AFF2: variants seen among roughly 807,000 people sequenced by gnomAD.
The protein encoded by AFF2 is AF4/FMR2 family member 2.
A neutral mutation model predicts 76.9 loss-of-function variants in AFF2; 14 were observed. The ratio of observed to expected loss-of-function variants is 0.18; its 90% confidence interval spans 0.12 to 0.28. The LOEUF (loss-of-function observed/expected upper bound fraction) is 0.28, where lower values mean the gene tolerates loss of function less well. AFF2 is among the 10% of genes least tolerant of loss of function. AFF2 has a pLI of 1.00. For synonymous variants in AFF2, 398 were observed against 366.7 expected, an observed-to-expected ratio of 1.09 and a Z score of -0.98; for missense variants, 868 against 1,001.1, an observed-to-expected ratio of 0.87 and a Z score of 1.79.
rs1029815702 is a variant in AFF2, at chrX:148,962,816, G to A, written c.2792G>A (p.Ser931Asn). Reference protein sequence around the residue: ...PEDPPRRRNVSGNNGPFGQDK... With the variant: ...PEDPPRRRNVNGNNGPFGQDK... The stretch of plus-strand genomic sequence containing the variant: ...GACCCTCCACGCCGCAGAAATGTCA[G>A]TGGCAATAATGGTCCCTTTGGTCAA... Residue 931 changes from serine to asparagine, a missense_variant, in exon 13 of 21, where the codon AGT becomes AAT. Around this residue, in one of 6 missense-constraint regions of AFF2, gnomAD observed 532 missense variants for 564.2 expected, o/e 0.94. Coordinates refer to ENST00000370460, the MANE Select transcript of AFF2 (RefSeq NM_002025.4). 7 of 1,210,047 alleles carry A rather than the reference G, an allele frequency of 5.8e-6. No homozygotes were observed. In the Admixed American group the frequency reaches 1.5e-4, roughly 26 times the overall value.
At chrX:148,823,571 C>T (rs781801027) in intron 4 of AFF2, among the ~76,000 whole-genome samples, 6 of 111,737 alleles carry the variant, frequency 5.4e-5, no homozygotes, top group African/African-American at 2.0e-4. Context: ...CAGAACTGCC[C>T]CAGATATCTC....
At chrX:148,710,028 C>G (rs1415246534) in intron 3 of AFF2, among the ~76,000 whole-genome samples, 1 of 111,559 alleles carries the variant, frequency 9.0e-6, no homozygotes, top group African/African-American at 3.3e-5. Flanking sequence ...GATCACAGAA[C>G]CTAGAATAGT....
intron 5 of AFF2, among the ~76,000 whole-genome samples, chrX:148,839,894 G>GT (rs2070575292): frequency 1.1e-5 from 1 of 87,021 alleles, no homozygotes; most frequent in Admixed American, 1.4e-4. Context: ...GTTGGGGCAT[G>GT]GTGTGTGTGT....
At chrX:148,977,276 T>C (rs2072336812) in intron 16 of AFF2, among the ~76,000 whole-genome samples, 1 of 111,001 alleles carries the variant, frequency 9.0e-6, no homozygotes, top group Non-Finnish European at 1.9e-5. Context: ...ATCACCCCAG[T>C]GCAGAACAGT....
intron 3 of AFF2, among the ~76,000 whole-genome samples, chrX:148,783,884 A>G (rs782535045): frequency 8.9e-6 from 1 of 111,790 alleles, no homozygotes; most frequent in Non-Finnish European, 1.9e-5. Flanking sequence ...ACCAAGCATC[A>G]GATTCTACAG....
rs782244927 is a variant in AFF2 at position 148,709,224 on chromosome X, T to A, written c.1041+46456T>A. 7.2e-5 allele frequency among the ~76,000 whole-genome samples: 8 copies of A among 111,882 alleles called. No homozygotes were observed. In the South Asian group the frequency reaches 1.5e-3, roughly 21 times the overall value. On this transcript the variant is annotated intron_variant, in intron 3 of 20. Coordinates refer to ENST00000370460, the MANE Select transcript of AFF2 (RefSeq NM_002025.4). ...CTTATTCAATAAAATACTAAAAAAA[T>A]TTTTTTAGGCTAATCAAATTTTGGA...
At chrX:148,785,051 T>TC (rs1464360872) in intron 3 of AFF2, among the ~76,000 whole-genome samples, 1 of 111,044 alleles carries the variant, frequency 9.0e-6, no homozygotes, top group African/African-American at 3.3e-5. Flanking sequence ...CTTCTCTTGC[T>TC]CCCCCCCTTC....
intron 1 of AFF2, among the ~76,000 whole-genome samples, chrX:148,544,368 C>T (rs1396567725): frequency 9.0e-6 from 1 of 111,690 alleles, no homozygotes; most frequent in African/African-American, 3.3e-5. Flanking sequence ...ATTTGCTGCC[C>T]CAAGGAAACA....
At chrX:148,859,623 T>C (rs2070824474) in intron 7 of AFF2, among the ~76,000 whole-genome samples, 2 of 110,251 alleles carry the variant, frequency 1.8e-5, no homozygotes, top group Admixed American at 1.9e-4. Flanking sequence ...TGAATAAAAA[T>C]TAAGTTTTTA....
At chrX:148,682,504 G>C (rs1173551564) in intron 3 of AFF2, among the ~76,000 whole-genome samples, 1 of 111,102 alleles carries the variant, frequency 9.0e-6, no homozygotes, top group Non-Finnish European at 1.9e-5. Flanking sequence ...GCAGGAACTA[G>C]AGAACAGCGA....
intron 4 of AFF2, among the ~76,000 whole-genome samples, chrX:148,816,237 A>G (rs2070263306): frequency 9.0e-6 from 1 of 111,709 alleles, no homozygotes; most frequent in Non-Finnish European, 1.9e-5. Flanking sequence ...GTGTCTCTGC[A>G]AAACACATTG....
At chrX:148,927,380 T>G (rs1557283887) in intron 9 of AFF2, among the ~76,000 whole-genome samples, 1 of 111,428 alleles carries the variant, frequency 9.0e-6, no homozygotes, top group African/African-American at 3.3e-5. Context: ...CCCTGTTTTC[T>G]TCTTTCCCTT....
chrX:148,990,748 C>T (rs1042274066), intron 20 of AFF2, among the ~76,000 whole-genome samples: 4 of 111,985 alleles, frequency 3.6e-5, no homozygotes, highest in African/African-American at 9.7e-5. Flanking sequence ...TGGAGGCTGA[C>T]GGCTACTATT....
chrX:148,973,524 T>G lies in AFF2; in HGVS notation c.3321T>G (p.Thr1107=), dbSNP rs1569557874. ...VNYADAALSF[T]ECGNAMERDP... Reference sequence around the variant, plus strand: ...ATGCTGATGCCGCCCTCTCCTTCACTGAATGTGGCAATGCCATGGAACGCG... The same window carrying G: ...ATGCTGATGCCGCCCTCTCCTTCACGGAATGTGGCAATGCCATGGAACGCG... Residue 1107 remains threonine (T), a synonymous_variant, in exon 16 of 21, where the codon ACT becomes ACG. Transcript: ENST00000370460. 4.1e-6 allele frequency: 5 copies of G among 1,211,758 alleles called. No homozygotes were observed. Among genetic ancestry groups the G allele is most frequent in the Non-Finnish European group, 5.6e-6 (5 of 895,318 alleles).
At chrX:148,631,077 A>T (rs17318087) in intron 1 of AFF2, among the ~76,000 whole-genome samples, 20,645 of 111,157 alleles carry the variant, frequency 0.19, 1,401 homozygotes, top group Non-Finnish European at 0.2. Flanking sequence ...GCCATCCCAA[A>T]TTGGTCTCTC....
intron 4 of AFF2, among the ~76,000 whole-genome samples, chrX:148,832,733 A>G (rs1557273443): frequency 1.8e-5 from 2 of 112,183 alleles, no homozygotes. Context: ...TGGGAGAACT[A>G]GAAGCCATCC....
intron 3 of AFF2, among the ~76,000 whole-genome samples, chrX:148,684,163 C>A (rs2054577536): frequency 8.9e-6 from 1 of 111,992 alleles, no homozygotes; most frequent in Non-Finnish European, 1.9e-5. Context: ...AGAGTTATGA[C>A]AAAAGACATG....
intron 7 of AFF2, among the ~76,000 whole-genome samples, chrX:148,857,137 A>G (rs2070795291): frequency 8.9e-6 from 1 of 112,127 alleles, no homozygotes; most frequent in Non-Finnish European, 1.9e-5. Flanking sequence ...TGTAGAATAC[A>G]CTGTATATCA....
intron 1 of AFF2, among the ~76,000 whole-genome samples, chrX:148,568,466 TA>T (rs2053193667): frequency 8.9e-6 from 1 of 112,280 alleles, no homozygotes; most frequent in Non-Finnish European, 1.9e-5. Flanking sequence ...AATACTTTTC[TA>T]AAGCCTAATC....
Sources: allele counts gnomAD v4.1 joint callset (sites outside exome capture counted in the v4.1 genomes callset), GRCh38; gene constraint gnomAD v4.1.1; regional missense constraint gnomAD v4.1.1; transcripts MANE v1.5; gene names NCBI Gene and HGNC (gene_info 2026-07-23, HGNC 2026-07-21).